The following LRBA variants were observed in gnomAD, a reference collection of about 807,000 sequenced individuals.
LRBA encodes lipopolysaccharide-responsive and beige-like anchor protein.
In LRBA, 176 loss-of-function variants were observed where a neutral mutation model predicts 330.0. The observed-to-expected ratio is 0.53, with a 90% CI of 0.47 to 0.60. The LOEUF (loss-of-function observed/expected upper bound fraction) is 0.60. Among genes scored for constraint, LRBA ranks in the 20% least tolerant of loss-of-function variants. The pLI is 0.00. For synonymous variants in LRBA, 1,230 were observed against 1,193.0 expected, an observed-to-expected ratio of 1.03 and a Z score of -0.64; for missense variants, 3,259 against 3,444.8, an observed-to-expected ratio of 0.95 and a Z score of 1.35.
intron 2 of LRBA, among the ~76,000 whole-genome samples, chr4:150,938,356 T>C (rs1321376874): frequency 6.6e-6 from 1 of 152,172 alleles, no homozygotes; most frequent in Non-Finnish European, 1.5e-5. Context: ...ACCTTGTATA[T>C]GTTTACAGCC....
intron 53 of LRBA, 46 bp from the exon 54 acceptor site, chr4:150,286,080 G>T: frequency 7.9e-7 from 1 of 1,260,510 alleles, no homozygotes; most frequent in Non-Finnish European, 1.1e-6. Flanking sequence ...TCAATTTCAT[G>T]CATATTAAAT....
intron 40 of LRBA, among the ~76,000 whole-genome samples, chr4:150,496,853 ATGT>A (rs997622983): frequency 3.3e-5 from 5 of 152,086 alleles, no homozygotes; most frequent in African/African-American, 9.6e-5. Flanking sequence ...ATCAGGAAAA[ATGT>A]TGTTAGCCAA....
At chr4:150,867,011 G>A (rs892989591) in intron 22 of LRBA, among the ~76,000 whole-genome samples, 1 of 148,358 alleles carries the variant, frequency 6.7e-6, no homozygotes, top group Non-Finnish European at 1.5e-5. Context: ...TTATAGAGGA[G>A]TAACCCAATT....
At chr4:150,870,343 C>T (rs1753273766) in intron 20 of LRBA, among the ~76,000 whole-genome samples, 182 bp downstream of exon 20, 1 of 152,144 alleles carries the variant, frequency 6.6e-6, no homozygotes, top group Non-Finnish European at 1.5e-5. Context: ...TTCCACATAA[C>T]TTAAGGTTGA....
chr4:150,623,286 A>C (rs1386982016), intron 37 of LRBA, among the ~76,000 whole-genome samples: 2 of 152,214 alleles, frequency 1.3e-5, no homozygotes, highest in Non-Finnish European at 2.9e-5. Flanking sequence ...CTTCACTTCT[A>C]GGTATGTATC....
At chr4:150,835,833 A>G (rs2126845959) in intron 28 of LRBA, among the ~76,000 whole-genome samples, 1 of 152,258 alleles carries the variant, frequency 6.6e-6, no homozygotes, top group South Asian at 2.1e-4. Context: ...AACTTCCAAC[A>G]CTATGTTGAA....
chr4:150,619,634 A>G (rs558832328), intron 37 of LRBA, among the ~76,000 whole-genome samples: 1 of 152,226 alleles, frequency 6.6e-6, no homozygotes, highest in East Asian at 1.9e-4. Context: ...GTTATTCCTA[A>G]GATTATAAGT....
Position 150,277,857 on chromosome 4 carries a change from G to C in LRBA, c.8464C>G (p.Gln2822Glu), listed in dbSNP as rs564935474. Residue 2822 changes from glutamine to glutamate, a missense_variant, in exon 56 of 57, where the codon CAG (glutamine) becomes GAG (glutamate). Transcript: ENST00000651943. ...GIRAMALSYD[Q>E]RCIISGMASG... ...AGCCCATGATTCCAGTGTTACCTCT[G>C]GTCGTAAGACAGCGCCATGGCCCGG... is the stretch of plus-strand genomic sequence containing the variant. 1 of 1,613,910 alleles carries C rather than the reference G, an allele frequency of 6.2e-7. No homozygotes were observed. Among genetic ancestry groups the C allele is most frequent in the East Asian group, 2.2e-5 (1 of 44,846 alleles).
chr4:150,935,751 TAAAATA>T (rs1450167969), intron 2 of LRBA, among the ~76,000 whole-genome samples: 5 of 151,954 alleles, frequency 3.3e-5, no homozygotes, highest in African/African-American at 1.2e-4. Flanking sequence ...ATAATCTAAT[TAAAATA>T]AAAGGTTGGT....
intron 37 of LRBA, among the ~76,000 whole-genome samples, chr4:150,617,579 T>A (rs1775887613): frequency 6.6e-6 from 1 of 151,784 alleles, no homozygotes; most frequent in South Asian, 2.1e-4. Context: ...GAGGCGGAGG[T>A]TGCAGTGAGC....
At chr4:150,863,889 C>T (rs1317548875) in intron 22 of LRBA, among the ~76,000 whole-genome samples, 1 of 152,070 alleles carries the variant, frequency 6.6e-6, no homozygotes, top group Non-Finnish European at 1.5e-5. Flanking sequence ...CTATTATTTT[C>T]TAAGATAGCA....
chr4:150,625,992 G>A (rs375155132), intron 37 of LRBA, among the ~76,000 whole-genome samples: 12 of 151,838 alleles, frequency 7.9e-5, no homozygotes, highest in South Asian at 2.1e-4. Flanking sequence ...GTCCTTGGCC[G>A]GATATATTTT....
At chr4:150,928,473 G>A in intron 4 of LRBA, 43 bp downstream of exon 4, 2 of 1,183,084 alleles carry the variant, frequency 1.7e-6, no homozygotes, top group South Asian at 1.3e-5. Flanking sequence ...GTGTTTGGGA[G>A]GAGCATACTT....
At chr4:151,003,396 CAAAA>C (rs55783969) in intron 2 of LRBA, among the ~76,000 whole-genome samples, 1 of 88,974 alleles carries the variant, frequency 1.1e-5, no homozygotes, top group Non-Finnish European at 2.4e-5. Context: ...GATTCGGTTT[CAAAA>C]AAAAAAAAAA....
intron 40 of LRBA, among the ~76,000 whole-genome samples, chr4:150,517,765 G>A (rs1762513767): frequency 6.6e-6 from 1 of 152,060 alleles, no homozygotes; most frequent in Non-Finnish European, 1.5e-5. Flanking sequence ...TTTGTATAAA[G>A]TAGAATTCCC....
intron 35 of LRBA, among the ~76,000 whole-genome samples, chr4:150,752,880 T>G (rs1474103302): frequency 6.6e-6 from 1 of 152,186 alleles, no homozygotes; most frequent in Non-Finnish European, 1.5e-5. Flanking sequence ...TATGAAATAA[T>G]CTATTCTCTA....
At chr4:150,723,829 C>T (rs552610282) in intron 36 of LRBA, among the ~76,000 whole-genome samples, 3 of 152,304 alleles carry the variant, frequency 2.0e-5, no homozygotes, top group African/African-American at 7.2e-5. Flanking sequence ...GGGGAGCTCA[C>T]TGACCTAAAG....
At chr4:150,762,756 C>T (rs1021597734) in intron 34 of LRBA, among the ~76,000 whole-genome samples, 25 of 151,768 alleles carry the variant, frequency 1.6e-4, no homozygotes, top group Non-Finnish European at 2.9e-5. Flanking sequence ...TACATAATAT[C>T]CCTCAACTGA....
In LRBA at chr4:150,871,368, T is replaced by C; in HGVS notation, c.2344A>G (p.Thr782Ala). ...ACCTCAAACAGCACATTATATGTGG[T>C]CATTGTGATTAAATTTGTCTGAAGC... ...LMLQTNLITM[T>A]TYNVLFEILI... The change falls in exon 19 of 57, where the codon ACC (threonine) becomes GCC (alanine). Residue 782 changes from threonine to alanine, a missense_variant. Thr to Ala is a moderately conservative substitution (Grantham distance 58). Coordinates refer to ENST00000651943, the MANE Select transcript of LRBA (RefSeq NM_001364905.1). 1 of 1,608,994 alleles carries C rather than the reference T, an allele frequency of 6.2e-7. No individual in the cohort carries two copies. The highest frequency in any genetic ancestry group is 8.5e-7 in the Non-Finnish European group (1 of 1,175,638).
Sources: gnomAD v4.1 joint callset for allele counts (sites outside exome capture counted in the v4.1 genomes callset) on GRCh38, gnomAD v4.1.1 for gene constraint, MANE v1.5 for transcripts, NCBI Gene and HGNC (gene_info 2026-07-23, HGNC 2026-07-21) for gene names.